TNNI3K: variants seen among roughly 807,000 people sequenced by gnomAD.
TNNI3K encodes the protein serine/threonine-protein kinase TNNI3K.
Under a neutral mutation model 114.5 loss-of-function variants are expected in TNNI3K, and 140 were observed. The observed-to-expected ratio is 1.22, with a 90% CI of 1.07 to 1.41. The LOEUF (loss-of-function observed/expected upper bound fraction) is 1.41, where lower values mean the gene tolerates loss of function less well. TNNI3K is among the 40% of genes most tolerant of loss of function. TNNI3K has a pLI of 0.00. For synonymous variants in TNNI3K, 347 were observed against 347.5 expected (o/e 1.00, Z 0.02); for missense variants, 1,125 against 1,007.6 (o/e 1.12, Z -1.58).
intron 23 of TNNI3K, among the ~76,000 whole-genome samples, chr1:74,523,539 C>G (rs1037111250): frequency 6.6e-6 from 1 of 152,078 alleles, no homozygotes; most frequent in Non-Finnish European, 1.5e-5. Flanking sequence ...AAGTTATAGG[C>G]TATGCCTGGC....
intron 21 of TNNI3K, among the ~76,000 whole-genome samples, chr1:74,467,445 G>A (rs1667727190): frequency 6.6e-6 from 1 of 151,828 alleles, no homozygotes; most frequent in Admixed American, 6.6e-5. Context: ...ATTGAGGAGA[G>A]TAAGAAGAAT....
intron 5 of TNNI3K, among the ~76,000 whole-genome samples, chr1:74,279,009 A>C (rs1432569008): frequency 6.6e-6 from 1 of 152,228 alleles, no homozygotes; most frequent in Non-Finnish European, 1.5e-5. Context: ...TGATAGTGTA[A>C]ATGCAATTTC....
intron 9 of TNNI3K, among the ~76,000 whole-genome samples, chr1:74,344,035 G>T (rs529297452): frequency 2.0e-5 from 3 of 152,254 alleles, no homozygotes; most frequent in South Asian, 4.1e-4. Context: ...AATTGTATTT[G>T]AGGCTAATTT....
chr1:74,443,364 G>A (rs1666469079), intron 20 of TNNI3K, among the ~76,000 whole-genome samples: 1 of 152,048 alleles, frequency 6.6e-6, no homozygotes, highest in African/African-American at 2.4e-5. Flanking sequence ...ACAACCACCA[G>A]AGAATACTAT....
intron 5 of TNNI3K, among the ~76,000 whole-genome samples, chr1:74,306,071 A>G (rs954385283): frequency 2.0e-5 from 3 of 152,034 alleles, no homozygotes; most frequent in Non-Finnish European, 2.9e-5. Flanking sequence ...CTGTGTGTCA[A>G]TTGTTTAGAT....
At chr1:74,250,119 A>G (rs1654836930) in intron 3 of TNNI3K, among the ~76,000 whole-genome samples, 1 of 152,212 alleles carries the variant, frequency 6.6e-6, no homozygotes, top group African/African-American at 2.4e-5. Context: ...AATCCAAACT[A>G]AATTCATTGA....
Position 74,301,812 on chromosome 1 carries a change from A to G in TNNI3K, c.445-29638A>G, listed in dbSNP as rs145010685. On this transcript the variant is annotated intron_variant, in intron 5 of 24. Transcript: ENST00000326637. ...ATAACCATACTTGCTTTTCCATGCT[A>G]TTTCTCCTGTGGTTGACTAGAATAA... Among the ~76,000 whole-genome samples the G allele has an allele frequency of 4.6e-4, 70 of 152,198 alleles. No homozygotes were observed. The East Asian group carries it at 9.9e-3, about 21-fold the overall frequency.
intron 5 of TNNI3K, among the ~76,000 whole-genome samples, chr1:74,314,959 C>A (rs1269514931): frequency 6.6e-6 from 1 of 152,082 alleles, no homozygotes; most frequent in African/African-American, 2.4e-5. Context: ...TCACTCCCTG[C>A]CTATTTTATT....
intron 23 of TNNI3K, among the ~76,000 whole-genome samples, chr1:74,533,630 C>T (rs1230778606): frequency 9.2e-5 from 14 of 151,932 alleles, no homozygotes; most frequent in East Asian, 1.9e-4. Flanking sequence ...TATTGTGGCA[C>T]TATTCACAAT....
At chr1:74,239,213 C>A (rs1260406277) in intron 2 of TNNI3K, among the ~76,000 whole-genome samples, 1 of 151,970 alleles carries the variant, frequency 6.6e-6, no homozygotes, top group Non-Finnish European at 1.5e-5. Context: ...AGGTAGAGAG[C>A]ATAATCTGGG....
At position 74,369,395 on chromosome 1, in the gene TNNI3K, C is replaced by G. The variant is rs201857576; in HGVS notation, c.1477C>G (p.Arg493Gly). Residue 493 changes from arginine (R) to glycine (G), a missense_variant, in exon 16 of 25, where the codon CGA becomes GGA. By Grantham distance (125) the Arg-to-Gly change is moderately radical (BLOSUM62 -2). Transcript: ENST00000326637. The part of the protein sequence containing the change: ...RNKIVAIKRY[R>G]ANTYCSKSDV... ...TTCTGTTGCTGCCATTTCCAGTTAT[C>G]GAGCCAATACCTACTGCTCCAAGTC... The G allele has an allele frequency of 6.2e-7, 1 of 1,606,690 alleles. No homozygotes were observed. Among genetic ancestry groups the G allele is most frequent in the Non-Finnish European group, 8.5e-7 (1 of 1,176,582 alleles).
At chr1:74,283,791 T>A (rs1288416736) in intron 5 of TNNI3K, among the ~76,000 whole-genome samples, 1 of 152,170 alleles carries the variant, frequency 6.6e-6, no homozygotes, top group East Asian at 1.9e-4. Context: ...ATATACACAT[T>A]TTTATATATA....
chr1:74,280,555 T>C (rs771873090), intron 5 of TNNI3K, among the ~76,000 whole-genome samples: 7 of 151,984 alleles, frequency 4.6e-5, no homozygotes, highest in Admixed American at 1.3e-4. Flanking sequence ...AGACTTTGCA[T>C]TGGAACTCAA....
intron 23 of TNNI3K, among the ~76,000 whole-genome samples, chr1:74,533,502 G>T (rs1004744386): frequency 6.6e-6 from 1 of 152,084 alleles, no homozygotes; most frequent in African/African-American, 2.4e-5. Context: ...AAGTCAGTGT[G>T]GTGATTCCTC....
chr1:74,377,804 A>G (rs1662984337), intron 17 of TNNI3K, among the ~76,000 whole-genome samples: 2 of 152,014 alleles, frequency 1.3e-5, no homozygotes, highest in Non-Finnish European at 2.9e-5. Flanking sequence ...CCTAGCACAG[A>G]TAACACAACT....
chr1:74,235,487 T>C lies in TNNI3K; in HGVS notation c.36T>C (p.Cys12=). ...GNYKSRPTQT[C]TDEWKKKVSE... Reference sequence around the variant, plus strand: ...ATAAATCTAGACCAACCCAAACTTGTACTGGTAATTATTCTAATTATTCTT... The same window carrying C: ...ATAAATCTAGACCAACCCAAACTTGCACTGGTAATTATTCTAATTATTCTT... The change falls in exon 1 of 25, where the codon TGT becomes TGC. Residue 12 remains cysteine (C), a synonymous_variant. Coordinates refer to ENST00000326637, the MANE Select transcript of TNNI3K (RefSeq NM_015978.3). 1 of 1,440,430 alleles carries C rather than the reference T, an allele frequency of 6.9e-7. No homozygotes were observed. 89.2% of individuals were successfully genotyped at this position (1,440,430 alleles called of 1,614,324 possible).
intron 20 of TNNI3K, among the ~76,000 whole-genome samples, chr1:74,447,840 G>T (rs1229044618): frequency 1.2e-3 from 3 of 2,608 alleles, no homozygotes; most frequent in African/African-American, 3.9e-3. Flanking sequence ...ATTCACAATA[G>T]CAAAGACTTG....
At chr1:74,477,497 T>G (rs1427062840) in intron 21 of TNNI3K, among the ~76,000 whole-genome samples, 2 of 152,126 alleles carry the variant, frequency 1.3e-5, no homozygotes, top group Non-Finnish European at 2.9e-5. Flanking sequence ...AAATAAATCA[T>G]TATGATGATA....
intron 17 of TNNI3K, among the ~76,000 whole-genome samples, chr1:74,391,957 A>ATTATTATTTTTT: frequency 1.1e-5 from 1 of 93,040 alleles, no homozygotes; most frequent in South Asian, 3.6e-4. Context: ...ACAGCTTATT[A>ATTATTATTTTTT]TTTTTTTTTT....
Sources: allele counts gnomAD v4.1 joint callset (sites outside exome capture counted in the v4.1 genomes callset), GRCh38; gene constraint gnomAD v4.1.1; transcripts MANE v1.5; gene names NCBI Gene and HGNC (gene_info 2026-07-23, HGNC 2026-07-21).